The following ELL variants were observed in gnomAD, a reference collection of about 807,000 sequenced individuals.
The protein encoded by ELL is elongation factor for RNA polymerase II.
ELL carries 18 observed loss-of-function variants against 64.0 expected under a neutral mutation model. The observed-to-expected ratio is 0.28, with a 90% confidence interval of 0.19 to 0.42. ELL has a LOEUF of 0.42. Among genes scored for constraint, ELL ranks in the 10% least tolerant of loss-of-function variants. The pLI is 1.00. For missense variants in ELL, 797 were observed against 870.4 expected (o/e 0.92, Z 1.06); for synonymous variants, 399 against 376.2 (o/e 1.06, Z -0.70).
At position 18,465,964 on chromosome 19, in the gene ELL, C is replaced by T. The variant is rs763459016; in HGVS notation, c.184-46G>A. 5 of 1,264,322 alleles carry T rather than the reference C, an allele frequency of 4.0e-6. No homozygotes were observed. In the African/African-American group the frequency reaches 7.6e-5, roughly 19 times the overall value. The allele number at this position is 1,264,322 out of a possible 1,614,324, so 78.3% of individuals were successfully genotyped here. A position where few individuals can be genotyped will look rare whatever the true frequency, so the allele number is the denominator to read the frequency against. ...TGTCACTGGGAGGTCCTCGGCAGGA[C>T]AGGTCCCCAGCCTGCATCTTCCTGC... On this transcript the variant is annotated intron_variant, in intron 2 of 11. Transcript: ENST00000262809.
intron 1 of ELL, among the ~76,000 whole-genome samples, chr19:18,498,432 A>G (rs1193773031): frequency 1.3e-5 from 2 of 152,212 alleles, no homozygotes; most frequent in Non-Finnish European, 2.9e-5. Flanking sequence ...GGAAGGGAAA[A>G]CAAAACTGTC....
Position 18,501,558 on chromosome 19 carries a change from G to C in ELL, c.135+20363C>G, listed in dbSNP as rs1975780420. 6.6e-6 allele frequency among the ~76,000 whole-genome samples: 1 copy of C among 152,172 alleles called. No individual in the cohort carries two copies. The highest frequency in any genetic ancestry group is 1.5e-5 in the Non-Finnish European group (1 of 68,032). On this transcript the variant is annotated intron_variant, in intron 1 of 11. Coordinates refer to ENST00000262809, the MANE Select transcript of ELL (RefSeq NM_006532.4). The surrounding 1 kb of genome is among the most constrained non-coding windows in gnomAD (Gnocchi z 4.5). ...AAGACACTGGTCCACGGCACAGCCA[G>C]CTCAGAGCCAGGCGGATGAGACGGG...
chr19:18,460,673 G>A (rs765000225), intron 5 of ELL, among the ~76,000 whole-genome samples: 4 of 152,200 alleles, frequency 2.6e-5, no homozygotes, highest in South Asian at 2.1e-4. Flanking sequence ...ATGGAAGAAC[G>A]TCCTTTATAC....
At chr19:18,459,457 T>C (rs1014690853) in intron 5 of ELL, among the ~76,000 whole-genome samples, 1 of 152,116 alleles carries the variant, frequency 6.6e-6, no homozygotes, top group African/African-American at 2.4e-5. Context: ...GCTGCAGGCA[T>C]AGCAGTCACT....
intron 1 of ELL, among the ~76,000 whole-genome samples, chr19:18,497,939 A>C (rs1975695015): frequency 6.6e-6 from 1 of 150,964 alleles, no homozygotes; most frequent in African/African-American, 2.4e-5. Context: ...GACCAGCCTG[A>C]CCAACTTGGA....
intron 1 of ELL, among the ~76,000 whole-genome samples, chr19:18,518,713 CCCGGGAGGCGGAGGT>C (rs763426128): frequency 1.4e-3 from 212 of 151,806 alleles, no homozygotes; most frequent in Admixed American, 4.1e-3. Context: ...ATCACTTGAA[CCCGGGAGGCGGAGGT>C]TGCAGTGAGC....
chr19:18,447,785 CTT>C (rs766852235), intron 8 of ELL, among the ~76,000 whole-genome samples: 240 of 144,430 alleles, frequency 1.7e-3, no homozygotes, highest in African/African-American at 3.6e-3. Context: ...CCTCAATACA[CTT>C]TTTTTTTTTT....
intron 5 of ELL, among the ~76,000 whole-genome samples, chr19:18,459,744 T>C (rs1397860209): frequency 6.6e-6 from 1 of 151,392 alleles, no homozygotes; most frequent in Non-Finnish European, 1.5e-5. Context: ...GCCAGGATGG[T>C]CTCGATCTCC....
Position 18,450,319 on chromosome 19 carries a change from G to A in ELL, c.1465+158C>T, listed in dbSNP as rs529687615. On this transcript the variant is annotated intron_variant, in intron 8 of 11. Transcript: ENST00000262809. ...CCAGGTGCAGGAACATAGGGTGCCA[G>A]GTGCCAGGCACACAGGGCAAATCTG... Among the ~76,000 whole-genome samples, 242 of 152,346 alleles carry A rather than the reference G, an allele frequency of 1.6e-3. 3 individuals are homozygous for A. Among genetic ancestry groups the A allele is most frequent in the Middle Eastern group, 3.4e-3 (1 of 294 alleles).
intron 1 of ELL, among the ~76,000 whole-genome samples, chr19:18,489,091 C>T (rs1321848374): frequency 2.0e-5 from 3 of 152,152 alleles, no homozygotes; most frequent in South Asian, 2.1e-4. Context: ...TTTTACAGAA[C>T]GTTTTGTCAC....
chr19:18,445,010 G>A lies in ELL; in HGVS notation c.1750-142C>T, dbSNP rs1974382923. 3 of 1,096,866 alleles carry A rather than the reference G, an allele frequency of 2.7e-6. No individual in the cohort carries two copies. The South Asian group carries it at 4.3e-5, about 16-fold the overall frequency. 67.9% of individuals were successfully genotyped at this position (1,096,866 alleles called of 1,614,324 possible). A position where few individuals can be genotyped will look rare whatever the true frequency, so the allele number is the denominator to read the frequency against. ...GTTGTGGTCCAAGGGCAGAGTGGGA[G>A]TTGGTCCCCCGCACCTCCACAGCTT... is the stretch of plus-strand genomic sequence containing the variant. On this transcript the variant is annotated intron_variant, in intron 11 of 11. Transcript: ENST00000262809.
At chr19:18,453,622 G>A (rs1478972362) in intron 6 of ELL, among the ~76,000 whole-genome samples, 2 of 152,226 alleles carry the variant, frequency 1.3e-5, no homozygotes, top group Non-Finnish European at 1.5e-5. Context: ...TCTAATCCCA[G>A]TCACAGCTCA....
At chr19:18,489,412 C>T (rs547440828) in intron 1 of ELL, among the ~76,000 whole-genome samples, 6 of 152,308 alleles carry the variant, frequency 3.9e-5, no homozygotes, top group African/African-American at 1.2e-4. Flanking sequence ...CTCCCATCCC[C>T]CTCATGTTAG....
chr19:18,458,125 A>C, intron 6 of ELL, 80 bp downstream of exon 6: 1 of 1,573,616 alleles, frequency 6.4e-7, no homozygotes, highest in Non-Finnish European at 8.6e-7. Context: ...ACCACACAAG[A>C]CCACCCCAGC....
intron 5 of ELL, among the ~76,000 whole-genome samples, chr19:18,459,815 C>T (rs557185621): frequency 2.8e-5 from 4 of 144,872 alleles, no homozygotes; most frequent in South Asian, 4.5e-4. Flanking sequence ...CGTGAGCCAC[C>T]GCGCCCGGCC....
chr19:18,521,182 T>C (rs572016447), intron 1 of ELL, among the ~76,000 whole-genome samples: 1 of 152,006 alleles, frequency 6.6e-6, no homozygotes, highest in South Asian at 2.1e-4. Context: ...GCCCTGAGGA[T>C]AACATCACAG....
intron 8 of ELL, among the ~76,000 whole-genome samples, chr19:18,447,044 G>A (rs1215989024): frequency 6.6e-6 from 1 of 152,196 alleles, no homozygotes; most frequent in Non-Finnish European, 1.5e-5. Context: ...AGAGCTCAGC[G>A]TGCACCTGCG....
chr19:18,484,859 C>T, intron 1 of ELL, among the ~76,000 whole-genome samples: 1 of 152,212 alleles, frequency 6.6e-6, no homozygotes, highest in East Asian at 1.9e-4. Flanking sequence ...TCTCACCAAA[C>T]CTGCCTTCTG....
intron 1 of ELL, among the ~76,000 whole-genome samples, chr19:18,477,693 C>T (rs1975208284): frequency 6.6e-6 from 1 of 152,200 alleles, no homozygotes; most frequent in African/African-American, 2.4e-5. Context: ...TAAAGATTCG[C>T]TCAAACAAAT....
Sources: allele counts gnomAD v4.1 joint callset (sites outside exome capture counted in the v4.1 genomes callset), GRCh38; gene constraint gnomAD v4.1.1; non-coding constraint Gnocchi (gnomAD v3.1); transcripts MANE v1.5; gene names NCBI Gene and HGNC (gene_info 2026-07-23, HGNC 2026-07-21).